Variants in ABCC3 observed in about 807,000 individuals in gnomAD.
ABCC3 encodes ATP-binding cassette sub-family C member 3.
ABCC3 carries 121 observed loss-of-function variants against 165.3 expected under a neutral mutation model. The ratio of observed to expected loss-of-function variants is 0.73; its 90% CI spans 0.63 to 0.85. The LOEUF (loss-of-function observed/expected upper bound fraction) is 0.85, where lower values mean the gene tolerates loss of function less well. ABCC3 is among the 40% of genes least tolerant of loss of function. ABCC3 has a pLI of 0.00. For synonymous variants in ABCC3, 733 were observed against 810.1 expected (o/e 0.90, Z 1.62); for missense variants, 1,869 against 1,964.1 (o/e 0.95, Z 0.92).
At position 50,683,698 on chromosome 17, in the gene ABCC3, G is replaced by A. The variant is rs762106846; in HGVS notation, c.3896G>A (p.Arg1299Gln). The A allele has an allele frequency of 1.9e-5, 31 of 1,607,996 alleles. No homozygotes were observed. Among genetic ancestry groups the A allele is most frequent in the Non-Finnish European group, 2.5e-5 (29 of 1,177,494 alleles). Reference protein sequence around the residue: ...VEFRNYSVRYRPGLDLVLRDL... With the variant: ...VEFRNYSVRYQPGLDLVLRDL... ...TTCCGGAATTATTCTGTGCGCTACC[G>A]GCCGGGCCTAGACCTGGTGCTGAGA... Residue 1299 changes from arginine to glutamine, a missense_variant, in exon 27 of 31, where the codon CGG (arginine) becomes CAG (glutamine). By Grantham distance (43) the Arg-to-Gln change is conservative. Transcript: ENST00000285238.
At chr17:50,673,735 G>C in intron 19 of ABCC3, 77 bp downstream of exon 19, 1 of 1,474,374 alleles carries the variant, frequency 6.8e-7, no homozygotes, top group African/African-American at 1.4e-5. Context: ...AGTGTGTCTA[G>C]ACTGGCCTAG....
At chr17:50,644,875 G>A (rs1451012224) in intron 1 of ABCC3, among the ~76,000 whole-genome samples, 3 of 152,250 alleles carry the variant, frequency 2.0e-5, no homozygotes, top group Admixed American at 6.5e-5. Context: ...AAAATTAGAC[G>A]GGCATGGTGG....
At position 50,663,666 on chromosome 17, in the gene ABCC3, C is replaced by T; in HGVS notation, c.999-15C>T. ...GGGCAGCACTGCCCACCTCACTCCT[C>T]TCTCCTCCCCACAGCATCCTGATCA... On this transcript the variant is annotated splice_polypyrimidine_tract_variant and intron_variant, in intron 8 of 30. Coordinates refer to ENST00000285238, the MANE Select transcript of ABCC3 (RefSeq NM_003786.4). 1 of 1,613,774 alleles carries T rather than the reference C, an allele frequency of 6.2e-7. No homozygotes were observed. Among genetic ancestry groups the T allele is most frequent in the Non-Finnish European group, 8.5e-7 (1 of 1,179,850 alleles).
chr17:50,635,096 A>G, intron 1 of ABCC3, 115 bp downstream of exon 1: 1 of 1,163,950 alleles, frequency 8.6e-7, no homozygotes, highest in African/African-American at 1.6e-5. Context: ...GGAGCCCCTG[A>G]GACGGCCTGG....
chr17:50,673,563 AC>A lies in ABCC3; in HGVS notation c.2507del (p.Pro836GlnfsTer43), dbSNP rs775201509. The A allele has an allele frequency of 1.2e-5, 20 of 1,614,036 alleles. No individual in the cohort carries two copies. The highest frequency in any genetic ancestry group is 1.4e-5 in the Non-Finnish European group (17 of 1,180,020). On this transcript the variant is annotated frameshift_variant, in exon 19 of 31. Transcript: ENST00000285238. LOFTEE classifies it high-confidence loss of function. ...GGACAGGTGTCTGAGATGGGCCCGT[AC>A]CCAGCCCTGCTGCAGCGCAACGGCT... ...ADGQVSEMGP[Y>X]PALLQRNGSF...
Position 50,678,158 on chromosome 17 carries a change from T to A in ABCC3, c.3644T>A (p.Val1215Asp), listed in dbSNP as rs1567837537. ...GTGCTCTTTGCTGCACTATTTGCCG[T>A]CATCGGGAGGAGCAGCCTGAACCCG... ...CVVLFAALFAVIGRSSLNPGL... is the reference protein window; with the variant it reads ...CVVLFAALFADIGRSSLNPGL... The change falls in exon 25 of 31, where the codon GTC (valine) becomes GAC (aspartate). Residue 1215 changes from valine to aspartate, a missense_variant. Val to Asp is a radical substitution (Grantham distance 152). Coordinates refer to ENST00000285238, the MANE Select transcript of ABCC3 (RefSeq NM_003786.4). 6.4e-7 allele frequency: 1 copy of A among 1,553,560 alleles called. No individual in the cohort carries two copies. Among genetic ancestry groups the A allele is most frequent in the Non-Finnish European group, 8.7e-7 (1 of 1,150,094 alleles).
intron 13 of ABCC3, 139 bp downstream of exon 13, chr17:50,668,148 A>G (rs555816959): frequency 2.5e-6 from 2 of 815,482 alleles, no homozygotes; most frequent in African/African-American, 3.4e-5. Context: ...AGAGCTATTC[A>G]AGGTTGAATG....
At chr17:50,673,379 G>T in intron 18 of ABCC3, 90 bp from the exon 19 acceptor site, 1 of 1,497,834 alleles carries the variant, frequency 6.7e-7, no homozygotes, top group Middle Eastern at 1.8e-4. Context: ...TGGCACATGG[G>T]CACACTTCAC....
chr17:50,656,048 C>T (rs1159518594), intron 2 of ABCC3, 40 bp downstream of exon 2: 3 of 1,424,514 alleles, frequency 2.1e-6, no homozygotes, highest in Admixed American at 2.5e-5. Flanking sequence ...GGGCTGGGCC[C>T]TGGGGATTCT....
At chr17:50,650,026 T>G (rs1471113474) in intron 1 of ABCC3, among the ~76,000 whole-genome samples, 3 of 152,176 alleles carry the variant, frequency 2.0e-5, no homozygotes, top group Non-Finnish European at 4.4e-5. Flanking sequence ...AAGAAAAACA[T>G]TTTACAATTT....
rs148031832 is a variant in ABCC3, at chr17:50,679,838, A to T, written c.3746A>T (p.Asp1249Val). Reference sequence around the variant, plus strand: ...AACTGGATGATACGAATGATGTCAGATTTGGAATCTAACATCGTGGCTGTG... The same window carrying T: ...AACTGGATGATACGAATGATGTCAGTTTTGGAATCTAACATCGTGGCTGTG... ...ALNWMIRMMSDLESNIVAVER... is the reference protein window; with the variant it reads ...ALNWMIRMMSVLESNIVAVER... Residue 1249 changes from aspartate to valine, a missense_variant, in exon 26 of 31, where the codon GAT (aspartate) becomes GTT (valine). Physicochemically the swap from Asp to Val is radical, Grantham distance 152 (BLOSUM62 -3). Coordinates refer to ENST00000285238, the MANE Select transcript of ABCC3 (RefSeq NM_003786.4). The T allele has an allele frequency of 1.2e-6, 2 of 1,614,124 alleles. No homozygotes were observed. The highest frequency in any genetic ancestry group is 1.7e-6 in the Non-Finnish European group (2 of 1,180,018).
intron 1 of ABCC3, among the ~76,000 whole-genome samples, chr17:50,640,895 A>G (rs544071176): frequency 3.3e-5 from 5 of 152,222 alleles, no homozygotes; most frequent in Admixed American, 2.0e-4. Context: ...CCACGCCTTC[A>G]TTGCTGCTGA....
At chr17:50,668,384 G>A (rs1384714517) in intron 13 of ABCC3, 46 bp from the exon 14 acceptor site, 1 of 1,550,150 alleles carries the variant, frequency 6.5e-7, no homozygotes, top group South Asian at 1.1e-5. Flanking sequence ...AGGGGTTGGG[G>A]GTTGGGAAAG....
At chr17:50,636,427 C>T (rs879834532) in intron 1 of ABCC3, among the ~76,000 whole-genome samples, 1 of 152,084 alleles carries the variant, frequency 6.6e-6, no homozygotes, top group South Asian at 2.1e-4. Context: ...GTGGGTGACC[C>T]AAAGGTTAAT....
At position 50,669,378 on chromosome 17, in the gene ABCC3, G is replaced by A; in HGVS notation, c.2091G>A (p.Gln697=). ...MKGSVAYVPQ[Q]AWIQNCTLQE... Reference sequence around the variant, plus strand: ...GCTCCGTGGCCTATGTGCCCCAGCAGGCATGGATCCAGAACTGCACTCTTC... The same window carrying A: ...GCTCCGTGGCCTATGTGCCCCAGCAAGCATGGATCCAGAACTGCACTCTTC... Residue 697 remains glutamine (Q), a synonymous_variant, in exon 17 of 31, where the codon CAG becomes CAA. Transcript: ENST00000285238. 6.2e-7 allele frequency: 1 copy of A among 1,614,262 alleles called. No individual in the cohort carries two copies. The highest frequency in any genetic ancestry group is 8.5e-7 in the Non-Finnish European group (1 of 1,180,032).
At chr17:50,670,982 C>G (rs1198762893) in intron 17 of ABCC3, among the ~76,000 whole-genome samples, 1 of 152,116 alleles carries the variant, frequency 6.6e-6, no homozygotes, top group African/African-American at 2.4e-5. Flanking sequence ...AATATATCAT[C>G]TTGCCCGGCA....
Position 50,691,089 on chromosome 17 carries a change from T to C in ABCC3, c.4476-3T>C, listed in dbSNP as rs753319649. On this transcript the variant is annotated splice_polypyrimidine_tract_variant and splice_region_variant and intron_variant, in intron 30 of 30. Coordinates refer to ENST00000285238, the MANE Select transcript of ABCC3 (RefSeq NM_003786.4). ...CCTGACCACTTCTCTCTTTTTTGAC[T>C]AGGGTCCTGGTCCTGGACAAAGGAG... The C allele has an allele frequency of 1.9e-6, 3 of 1,611,878 alleles. No individual in the cohort carries two copies. In the Admixed American group the frequency reaches 5.0e-5, roughly 27 times the overall value.
intron 1 of ABCC3, among the ~76,000 whole-genome samples, chr17:50,653,361 AAAG>A (rs1396779800): frequency 5.6e-4 from 85 of 150,882 alleles, no homozygotes; most frequent in African/African-American, 2.0e-3. Context: ...AAAAAAAAAA[AAAG>A]AAAAAGAAAA....
intron 1 of ABCC3, among the ~76,000 whole-genome samples, chr17:50,655,434 A>C (rs963909907): frequency 1.1e-4 from 16 of 151,300 alleles, no homozygotes; most frequent in East Asian, 5.8e-4. Flanking sequence ...AAAACAAAAA[A>C]AAAAGAGTGG....
Sources: gnomAD v4.1 joint callset for allele counts (sites outside exome capture counted in the v4.1 genomes callset) on GRCh38, gnomAD v4.1.1 for gene constraint, MANE v1.5 for transcripts, NCBI Gene and HGNC (gene_info 2026-07-23, HGNC 2026-07-21) for gene names.